CERS3: variants seen among roughly 807,000 people sequenced by gnomAD.
The protein encoded by CERS3 is ceramide synthase 3, also known as LAG1 homolog, ceramide synthase 3.
CERS3 carries 33 observed loss-of-function variants against 50.3 expected under a neutral mutation model. The observed-to-expected ratio is 0.66, with a 90% CI of 0.50 to 0.88. CERS3 has a LOEUF of 0.88. CERS3 is among the 40% of genes least tolerant of loss of function. The pLI is 0.00. For synonymous variants in CERS3, 176 were observed against 155.2 expected (o/e 1.13, Z -0.99); for missense variants, 470 against 460.3 (o/e 1.02, Z -0.19).
chr15:100,452,499 CA>C (rs1159855429), intron 11 of CERS3, among the ~76,000 whole-genome samples: 2 of 151,918 alleles, frequency 1.3e-5, no homozygotes, highest in African/African-American at 2.4e-5. Context: ...TGAGATACAA[CA>C]AAAGCAGTGC....
In CERS3 at chr15:100,476,183, G is replaced by A; in HGVS notation, c.517-5C>T. On this transcript the variant is annotated splice_region_variant and splice_polypyrimidine_tract_variant and intron_variant, in intron 7 of 11. Transcript: ENST00000679737. ...GTACTGGGATGGCAGCAGGGGCTGA[G>A]GAAAAGAAGAGTATTCATTACTTTA... 6.5e-7 allele frequency: 1 copy of A among 1,549,242 alleles called. No homozygotes were observed. Among genetic ancestry groups the A allele is most frequent in the South Asian group, 1.2e-5 (1 of 80,986 alleles).
At chr15:100,455,807 T>A (rs372201537) in intron 11 of CERS3, 86 bp downstream of exon 11, 29 of 821,324 alleles carry the variant, frequency 3.5e-5, no homozygotes, top group East Asian at 2.4e-4. Flanking sequence ...GTTAAAACTA[T>A]GAATTAACTT....
rs374859780 is a variant in CERS3, at chr15:100,480,013, A to G, written c.441T>C (p.Val147=). The change falls in exon 6 of 12, where the codon GTT becomes GTC. Residue 147 remains valine, a synonymous_variant. Transcript: ENST00000679737. ...CATCATAAAGAAACGCAATTCCAGCAACAGTGATCATTAAGTAAAATGCAA... is the reference window on the plus strand; with the variant it reads ...CATCATAAAGAAACGCAATTCCAGCGACAGTGATCATTAAGTAAAATGCAA... ...WRFAFYLMIT[V]AGIAFLYDKP... 11 of 1,611,322 alleles carry G rather than the reference A, an allele frequency of 6.8e-6. No individual in the cohort carries two copies. The highest frequency in any genetic ancestry group is 1.3e-5 in the African/African-American group (1 of 74,828).
chr15:100,455,131 A>G (rs918620847), intron 11 of CERS3, among the ~76,000 whole-genome samples: 2 of 152,190 alleles, frequency 1.3e-5, no homozygotes, highest in Non-Finnish European at 2.9e-5. Flanking sequence ...ACTCTTATAC[A>G]CTGTTTGTGG....
chr15:100,495,151 C>T (rs2035772321), intron 3 of CERS3, among the ~76,000 whole-genome samples: 1 of 152,168 alleles, frequency 6.6e-6, no homozygotes, highest in Non-Finnish European at 1.5e-5. Context: ...TAGTGACAGT[C>T]CCCTGATAAT....
At position 100,480,882 on chromosome 15, in the gene CERS3, C is replaced by T. The variant is rs967706484; in HGVS notation, c.408-836G>A. 3.9e-5 allele frequency among the ~76,000 whole-genome samples: 6 copies of T among 152,122 alleles called. No individual in the cohort carries two copies. In the East Asian group the frequency reaches 1.2e-3, roughly 29 times the overall value. On this transcript the variant is annotated intron_variant, in intron 5 of 11. Coordinates refer to ENST00000679737, the MANE Select transcript of CERS3 (RefSeq NM_001378789.1). The stretch of plus-strand genomic sequence containing the variant: ...AGAGGTGTAGTGGGGATAGAGAGGA[C>T]ATAGGATTGGCCTTGAGTTGATCAA...
intron 11 of CERS3, among the ~76,000 whole-genome samples, chr15:100,414,242 AAGG>A (rs2031718118): frequency 6.6e-6 from 1 of 152,208 alleles, no homozygotes; most frequent in South Asian, 2.1e-4. Flanking sequence ...GGCCCTCTTC[AAGG>A]AGAACTACAA....
At chr15:100,498,124 G>T (rs1027889009) in intron 3 of CERS3, among the ~76,000 whole-genome samples, 3 of 152,090 alleles carry the variant, frequency 2.0e-5, no homozygotes, top group Non-Finnish European at 4.4e-5. Flanking sequence ...TCGATCGCCT[G>T]ATCTCGTGAT....
intron 2 of CERS3, 143 bp from the exon 3 acceptor site, chr15:100,501,993 T>A (rs1161048514): frequency 2.7e-6 from 2 of 751,828 alleles, no homozygotes; most frequent in African/African-American, 3.6e-5. Context: ...ACACCTGCAA[T>A]ATCAGCACTT....
chr15:100,511,224 G>A (rs1286618053), intron 2 of CERS3, among the ~76,000 whole-genome samples: 1 of 152,146 alleles, frequency 6.6e-6, no homozygotes, highest in African/African-American at 2.4e-5. Flanking sequence ...TGGAGGCGGA[G>A]GTTGTAGTGA....
At chr15:100,478,092 G>C (rs1290620650) in intron 7 of CERS3, among the ~76,000 whole-genome samples, 3 of 152,172 alleles carry the variant, frequency 2.0e-5, no homozygotes, top group Non-Finnish European at 4.4e-5. Flanking sequence ...AGGTGGTCAA[G>C]AGATGAGACT....
intron 11 of CERS3, among the ~76,000 whole-genome samples, chr15:100,414,320 G>C (rs948056332): frequency 2.0e-5 from 3 of 152,160 alleles, no homozygotes; most frequent in African/African-American, 7.2e-5. Flanking sequence ...TTCATGACAG[G>C]AAGAATCAAT....
chr15:100,474,302 A>G (rs986827251), intron 8 of CERS3, among the ~76,000 whole-genome samples: 14 of 152,254 alleles, frequency 9.2e-5, no homozygotes, highest in African/African-American at 3.4e-4. Context: ...CTCAATAAAG[A>G]TGTTTAAAAA....
chr15:100,483,784 A>ATTTTTTTTTTTTTT (rs1335617514), intron 5 of CERS3, among the ~76,000 whole-genome samples: 8 of 89,422 alleles, frequency 8.9e-5, no homozygotes, highest in East Asian at 6.5e-4. Flanking sequence ...AATTATTATT[A>ATTTTTTTTTTTTTT]TTATTTTTTT....
intron 6 of CERS3, among the ~76,000 whole-genome samples, 162 bp downstream of exon 6, chr15:100,479,827 C>T (rs1476850415): frequency 6.6e-6 from 1 of 152,120 alleles, no homozygotes; most frequent in Non-Finnish European, 1.5e-5. Context: ...ATAAAAAAAT[C>T]TTGAGACATC....
At chr15:100,456,801 G>T (rs1478340247) in intron 10 of CERS3, among the ~76,000 whole-genome samples, 3 of 152,144 alleles carry the variant, frequency 2.0e-5, no homozygotes, top group South Asian at 4.1e-4. Context: ...GCAAAAATTA[G>T]CTGGGTGTGG....
intron 10 of CERS3, among the ~76,000 whole-genome samples, chr15:100,467,850 TATAGATAGATAG>T (rs1555528323): frequency 1.1e-5 from 1 of 93,136 alleles, no homozygotes; most frequent in African/African-American, 3.7e-5. Flanking sequence ...TATATATATA[TATAGATAGATAG>T]ATAGATAGAT....
Position 100,528,466 on chromosome 15 carries a change from C to G in CERS3, c.-92+347G>C, listed in dbSNP as rs191997040. ...ATTCAGCCGTGTGTGATTTCACTGC[C>G]CAGACCTTTCTTCCTAACCCTCAAT... On this transcript the variant is annotated intron_variant, in intron 1 of 11. Transcript: ENST00000679737. Among the ~76,000 whole-genome samples the G allele has an allele frequency of 7.7e-4, 117 of 152,282 alleles. 1 individual carries two copies. Among genetic ancestry groups the G allele is most frequent in the African/African-American group, 2.5e-3 (104 of 41,554 alleles).
intron 11 of CERS3, among the ~76,000 whole-genome samples, chr15:100,415,673 A>G (rs182390225): frequency 5.9e-5 from 9 of 152,324 alleles, no homozygotes; most frequent in African/African-American, 2.2e-4. Flanking sequence ...CATCATCCTC[A>G]GCAAACTAAC....
Sources: allele counts gnomAD v4.1 joint callset (sites outside exome capture counted in the v4.1 genomes callset), GRCh38; gene constraint gnomAD v4.1.1; transcripts MANE v1.5; gene names NCBI Gene and HGNC (gene_info 2026-07-23, HGNC 2026-07-21).